The following MGARP variants were observed in gnomAD, a reference collection of about 807,000 sequenced individuals.
The protein encoded by MGARP is protein MGARP.
In MGARP, 12 loss-of-function variants were observed where a neutral mutation model predicts 11.0. That is an observed-to-expected ratio of 1.09 (90% CI 0.70 to 1.77). The LOEUF is 1.77. Ranked by LOEUF, MGARP falls within the 40% of genes most tolerant of loss-of-function variation. The pLI is 0.00. For missense variants in MGARP, 283 were observed against 297.8 expected (o/e 0.95, Z 0.36); for synonymous variants, 110 against 115.4 (o/e 0.95, Z 0.30).
chr4:139,271,457 C>T (rs1476740983), intron 2 of MGARP, among the ~76,000 whole-genome samples: 2 of 152,008 alleles, frequency 1.3e-5, no homozygotes, highest in Non-Finnish European at 2.9e-5. Context: ...ACCCGGGAGG[C>T]GGAGGTTGCA....
intron 1 of MGARP, among the ~76,000 whole-genome samples, chr4:139,276,224 C>A (rs564150378): frequency 1.5e-3 from 224 of 152,198 alleles, no homozygotes; most frequent in African/African-American, 5.1e-3. Flanking sequence ...GCATCTACTA[C>A]GTATTTGGAA....
intron 1 of MGARP, among the ~76,000 whole-genome samples, chr4:139,277,272 C>A (rs961821746): frequency 5.9e-5 from 9 of 152,148 alleles, no homozygotes; most frequent in Admixed American, 2.6e-4. Flanking sequence ...TACAAACCTT[C>A]ATAGTAGCAA....
chr4:139,276,030 T>C (rs1021481111), intron 1 of MGARP, among the ~76,000 whole-genome samples: 18 of 152,210 alleles, frequency 1.2e-4, no homozygotes, highest in African/African-American at 4.3e-4. Context: ...AAAGGTACTA[T>C]ATTATTATAT....
At position 139,268,885 on chromosome 4, in the gene MGARP, G is replaced by A. The variant is rs974399443; in HGVS notation, c.187-120C>T. On this transcript the variant is annotated intron_variant, in intron 2 of 3. Transcript: ENST00000398955. ...TAGAAGTTTAAACCATAATCCCAGT[G>A]TAGCAAAGAAGAGAAATCAGTGCAC... is the stretch of plus-strand genomic sequence containing the variant. 1.3e-5 allele frequency: 9 copies of A among 668,934 alleles called. No individual in the cohort carries two copies. The African/African-American group carries it at 1.4e-4, about 11-fold the overall frequency. The allele number at this position is 668,934 out of a possible 1,614,324, so 41.4% of individuals were successfully genotyped here.
intron 2 of MGARP, among the ~76,000 whole-genome samples, chr4:139,272,226 G>C (rs547498605): frequency 6.6e-6 from 1 of 152,138 alleles, no homozygotes; most frequent in East Asian, 1.9e-4. Flanking sequence ...CTGACTCCTT[G>C]AGGCTCTCAA....
intron 2 of MGARP, among the ~76,000 whole-genome samples, chr4:139,272,559 C>T (rs866398822): frequency 2.0e-4 from 14 of 71,072 alleles, no homozygotes; most frequent in South Asian, 7.3e-4. Context: ...TCTGTCCCCT[C>T]CCAAAAAAAA....
chr4:139,266,338 A>T lies in MGARP; in HGVS notation c.*261T>A, dbSNP rs78918614. The T allele has an allele frequency of 0.021, 7,365 of 356,342 alleles. 125 individuals are homozygous for T. Among genetic ancestry groups the T allele is most frequent in the Non-Finnish European group, 0.031 (6,093 of 198,258 alleles). The allele number at this position is 356,342 out of a possible 1,614,324, so 22.1% of individuals were successfully genotyped here. On this transcript the variant is annotated 3_prime_UTR_variant, in exon 4 of 4. Coordinates refer to ENST00000398955, the MANE Select transcript of MGARP (RefSeq NM_032623.4). ...TGGGATAAAAGAAAAGTGTCTAGAAAAAAAAACCAAAGATGAAACTATTTA... is the reference window on the plus strand; with the variant it reads ...TGGGATAAAAGAAAAGTGTCTAGAATAAAAAACCAAAGATGAAACTATTTA...
chr4:139,275,695 A>G (rs1744858271), intron 1 of MGARP, among the ~76,000 whole-genome samples: 1 of 152,218 alleles, frequency 6.6e-6, no homozygotes, highest in Admixed American at 6.5e-5. Context: ...TAACAGCCAA[A>G]TGAAGTGCAC....
rs1744703764 is a variant in MGARP at position 139,266,750 on chromosome 4, T to C, written c.572A>G (p.Asp191Gly). 1.2e-6 allele frequency: 2 copies of C among 1,614,202 alleles called. No individual in the cohort carries two copies. The highest frequency in any genetic ancestry group is 1.7e-6 in the Non-Finnish European group (2 of 1,180,026). ...NAALDEAVTI[D>G]NDKDTTKNET... ...GTTCTTTGTTGTATCTTTATCATTA[T>C]CGATGGTGACAGCTTCATCCAGGGC... is the stretch of plus-strand genomic sequence containing the variant. The change falls in exon 4 of 4, where the codon GAT becomes GGT. Residue 191 changes from aspartate (D) to glycine (G), a missense_variant. By Grantham distance (94) the Asp-to-Gly change is moderately conservative. Coordinates refer to ENST00000398955, the MANE Select transcript of MGARP (RefSeq NM_032623.4).
Position 139,266,532 on chromosome 4 carries a change from TA to T in MGARP, c.*66del. On this transcript the variant is annotated 3_prime_UTR_variant, in exon 4 of 4. Coordinates refer to ENST00000398955, the MANE Select transcript of MGARP (RefSeq NM_032623.4). ...CTTTTTTTTTTTAAACTAAGTGTAC[TA>T]AAAACACAAAAGCACTTATCAGACA... The T allele has an allele frequency of 7.1e-7, 1 of 1,399,010 alleles. No homozygotes were observed. The highest frequency in any genetic ancestry group is 9.6e-7 in the Non-Finnish European group (1 of 1,040,940). The allele number at this position is 1,399,010 out of a possible 1,614,324, so 86.7% of individuals were successfully genotyped here.
Position 139,273,011 on chromosome 4 carries a change from C to T in MGARP, c.186+2278G>A, listed in dbSNP as rs571472253. On this transcript the variant is annotated intron_variant, in intron 2 of 3. Coordinates refer to ENST00000398955, the MANE Select transcript of MGARP (RefSeq NM_032623.4). ...TATTCATATTTCCGTAGGTCCAAACCAAAATATAGTGACTGTGTACTCTTA... is the reference window on the plus strand; with the variant it reads ...TATTCATATTTCCGTAGGTCCAAACTAAAATATAGTGACTGTGTACTCTTA... 3.3e-5 allele frequency among the ~76,000 whole-genome samples: 5 copies of T among 152,016 alleles called. No individual in the cohort carries two copies. In the South Asian group the frequency reaches 8.3e-4, roughly 25 times the overall value.
chr4:139,268,531 T>C, intron 3 of MGARP, 141 bp downstream of exon 3: 1 of 562,108 alleles, frequency 1.8e-6, no homozygotes, highest in Non-Finnish European at 3.1e-6. Flanking sequence ...TTTTCCTTTC[T>C]AAATGAACTT....
intron 1 of MGARP, among the ~76,000 whole-genome samples, chr4:139,276,788 G>C (rs1474393738): frequency 6.6e-6 from 1 of 152,118 alleles, no homozygotes; most frequent in Admixed American, 6.6e-5. Flanking sequence ...AGTGAGCTGT[G>C]ATTGTACCAC....
intron 2 of MGARP, among the ~76,000 whole-genome samples, chr4:139,271,748 T>C (rs1744784816): frequency 6.6e-6 from 1 of 152,196 alleles, no homozygotes; most frequent in Non-Finnish European, 1.5e-5. Flanking sequence ...CTCCTGAAAG[T>C]AGCCTAAGAT....
intron 1 of MGARP, among the ~76,000 whole-genome samples, chr4:139,278,219 C>T (rs1744901872): frequency 2.0e-5 from 3 of 152,024 alleles, no homozygotes; most frequent in South Asian, 4.2e-4. Context: ...AAGAGTGAAA[C>T]TCTGTCTCAA....
At chr4:139,273,853 A>G (rs1744826192) in intron 2 of MGARP, among the ~76,000 whole-genome samples, 1 of 152,170 alleles carries the variant, frequency 6.6e-6, no homozygotes, top group African/African-American at 2.4e-5. Context: ...TGATTTAGAA[A>G]GTTTATGACA....
intron 2 of MGARP, 114 bp downstream of exon 2, chr4:139,275,175 T>A: frequency 2.6e-6 from 2 of 765,550 alleles, no homozygotes; most frequent in South Asian, 3.5e-5. Flanking sequence ...TTAAATCTAT[T>A]GCTATGTTGT....
intron 2 of MGARP, among the ~76,000 whole-genome samples, chr4:139,273,510 C>CTTTTTTTTTT (rs1000327890): frequency 2.4e-5 from 3 of 123,644 alleles, no homozygotes; most frequent in Non-Finnish European, 3.5e-5. Flanking sequence ...TACTTTTATT[C>CTTTTTTTTTT]TTTTTTTTTT....
In MGARP at chr4:139,273,450, C is replaced by T. The variant is rs139649279; in HGVS notation, c.186+1839G>A. 4.5e-3 allele frequency among the ~76,000 whole-genome samples: 689 copies of T among 151,848 alleles called. 3 individuals carry two copies. The highest frequency in any genetic ancestry group is 7.1e-3 in the Non-Finnish European group (482 of 67,906). ...GTTCCCCAGACTGGTCTCAAACTCC[C>T]GGACTCAAGCCTCCCAAAGTGCTGG... On this transcript the variant is annotated intron_variant, in intron 2 of 3. Coordinates refer to ENST00000398955, the MANE Select transcript of MGARP (RefSeq NM_032623.4).
Sources: gnomAD v4.1 joint callset for allele counts (sites outside exome capture counted in the v4.1 genomes callset) on GRCh38, gnomAD v4.1.1 for gene constraint, MANE v1.5 for transcripts, NCBI Gene and HGNC (gene_info 2026-07-23, HGNC 2026-07-21) for gene names.